The following GAN variants were observed in gnomAD, a reference collection of about 807,000 sequenced individuals.
GAN encodes gigaxonin.
GAN carries 48 observed loss-of-function variants against 71.3 expected under a neutral mutation model. The ratio of observed to expected loss-of-function variants is 0.67; its 90% confidence interval spans 0.53 to 0.86. The LOEUF (loss-of-function observed/expected upper bound fraction) is 0.86, where lower values mean the gene tolerates loss of function less well. GAN is among the 40% of genes least tolerant of loss of function. The probability of loss-of-function intolerance (pLI) is 0.00; values close to 1 mark genes in which losing one functional copy is unlikely to be tolerated. For synonymous variants in GAN, 386 were observed against 276.8 expected (o/e 1.39, Z -3.92); for missense variants, 928 against 770.1 (o/e 1.21, Z -2.43).
chr16:81,377,479 A>T lies in GAN; in HGVS notation c.1677A>T (p.Pro559=). ...CAGGAACCTGGCACCACACTAAACC[A>T]CTCCTTCCATCCGACCTTCGCCGTA... ...RSTGTWHHTK[P]LLPSDLRRTG... The change falls in exon 11 of 11, where the codon CCA becomes CCT. Residue 559 remains proline (P), a synonymous_variant. Coordinates refer to ENST00000648994, the MANE Select transcript of GAN (RefSeq NM_022041.4). 6.2e-7 allele frequency: 1 copy of T among 1,613,700 alleles called. No homozygotes were observed. The highest frequency in any genetic ancestry group is 1.3e-5 in the African/African-American group (1 of 74,896).
rs2290947 is a variant in GAN at position 81,380,405 on chromosome 16, C to G, written c.*2809C>G. On this transcript the variant is annotated 3_prime_UTR_variant, in exon 11 of 11. Transcript: ENST00000648994. ...ATAAGTAAATATTTAAAGAACCTCT[C>G]CTAGGCTGCAGTCTAAAATAGGTAG... 2 of 152,600 alleles carry G rather than the reference C, an allele frequency of 1.3e-5. No individual in the cohort carries two copies. The highest frequency in any genetic ancestry group is 1.9e-4 in the East Asian group (1 of 5,204). 9.5% of individuals were successfully genotyped at this position (152,600 alleles called of 1,614,324 possible). A position where few individuals can be genotyped will look rare whatever the true frequency, so the allele number is the denominator to read the frequency against.
At chr16:81,320,164 A>T (rs1909179204) in intron 1 of GAN, among the ~76,000 whole-genome samples, 1 of 152,180 alleles carries the variant, frequency 6.6e-6, no homozygotes. Context: ...ATAAAGTTTG[A>T]CTCACAGATG....
At chr16:81,348,382 C>G (rs1910190747) in intron 1 of GAN, among the ~76,000 whole-genome samples, 5 of 152,164 alleles carry the variant, frequency 3.3e-5, no homozygotes, top group African/African-American at 9.7e-5. Context: ...TTAGCACAAT[C>G]TTTACTTCCT....
rs149701562 is a variant in GAN at position 81,332,817 on chromosome 16, T to G, written c.167+17537T>G. Among the ~76,000 whole-genome samples, 527 of 152,330 alleles carry G rather than the reference T, an allele frequency of 3.5e-3. 5 individuals carry two copies. The highest frequency in any genetic ancestry group is 0.012 in the African/African-American group (496 of 41,584). ...TTACGATTAGATTGGATGGGAGGGT[T>G]GCATTTTTGGCAAGAACCCCATGGA... On this transcript the variant is annotated intron_variant, in intron 1 of 10. Transcript: ENST00000648994.
intron 9 of GAN, among the ~76,000 whole-genome samples, chr16:81,369,094 A>C (rs1224626392): frequency 1.3e-5 from 2 of 152,146 alleles, no homozygotes; most frequent in Non-Finnish European, 1.5e-5. Flanking sequence ...ATGCCCCTCT[A>C]CTTTAATTTT....
At chr16:81,334,221 G>C (rs1031622033) in intron 1 of GAN, among the ~76,000 whole-genome samples, 2 of 152,166 alleles carry the variant, frequency 1.3e-5, no homozygotes, top group African/African-American at 2.4e-5. Flanking sequence ...GAGGAGAATG[G>C]AAAAGGTTTC....
chr16:81,372,801 T>C (rs928815312), intron 9 of GAN, among the ~76,000 whole-genome samples: 1 of 152,238 alleles, frequency 6.6e-6, no homozygotes, highest in African/African-American at 2.4e-5. Flanking sequence ...AAACCAGTAT[T>C]GTAGTTTGAT....
Position 81,377,292 on chromosome 16 carries a change from G to T in GAN, c.1576G>T (p.Gly526Ter). The change falls in exon 10 of 11, where the codon GGA (glycine) becomes TGA (stop). Residue 526 changes from glycine to a stop codon, truncating the protein, a stop_gained. Transcript: ENST00000648994. LOFTEE classifies it high-confidence loss of function. Reference sequence around the variant, plus strand: ...TTTTGTTTATGGAGCTGTACCTATAGGAGCCAGTATTTATGTTATTGGAGA... The same window carrying T: ...TTTTGTTTATGGAGCTGTACCTATATGAGCCAGTATTTATGTTATTGGAGA... ...SSFVYGAVPIGASIYVIGDLD... is the reference protein window; with the variant it reads ...SSFVYGAVPI 1.2e-6 allele frequency: 2 copies of T among 1,609,648 alleles called. No homozygotes were observed. Among genetic ancestry groups the T allele is most frequent in the Non-Finnish European group, 1.7e-6 (2 of 1,175,920 alleles).
chr16:81,362,651 T>G, intron 6 of GAN, 40 bp downstream of exon 6: 1 of 1,040,516 alleles, frequency 9.6e-7, no homozygotes, highest in Non-Finnish European at 1.5e-6. Context: ...TGTGTTTCTC[T>G]TTCCCCTTAG....
chr16:81,383,528 A>G lies in GAN; in HGVS notation c.*5932A>G, dbSNP rs535476676. ...TCAGCCTCCCAAAGTGCTGGATTAC[A>G]GGTGTGAGCCACCTCGCCTGCCCTC... On this transcript the variant is annotated 3_prime_UTR_variant, in exon 11 of 11. Transcript: ENST00000648994. 1 of 150,810 alleles carries G rather than the reference A, an allele frequency of 6.6e-6. No homozygotes were observed. Among genetic ancestry groups the G allele is most frequent in the Admixed American group, 6.6e-5 (1 of 15,134 alleles). The allele number at this position is 150,810 out of a possible 1,614,324, so 9.3% of individuals were successfully genotyped here. A position where few individuals can be genotyped will look rare whatever the true frequency, so the allele number is the denominator to read the frequency against.
chr16:81,373,470 A>G (rs1597411583), intron 9 of GAN, among the ~76,000 whole-genome samples: 1 of 152,378 alleles, frequency 6.6e-6, no homozygotes, highest in South Asian at 2.1e-4. Context: ...ATAATACTGT[A>G]GACTTGTAGA....
intron 9 of GAN, among the ~76,000 whole-genome samples, chr16:81,366,915 C>T (rs1268539892): frequency 6.6e-6 from 1 of 152,070 alleles, no homozygotes; most frequent in Non-Finnish European, 1.5e-5. Flanking sequence ...CCATCTGCCT[C>T]CCGGGTTCAA....
At position 81,354,895 on chromosome 16, in the gene GAN, A is replaced by G. The variant is rs753705861; in HGVS notation, c.633+140A>G. 79 of 634,842 alleles carry G rather than the reference A, an allele frequency of 1.2e-4. 1 individual carries two copies. In the Middle Eastern group the frequency reaches 2.1e-3, roughly 17 times the overall value. 39.3% of individuals were successfully genotyped at this position (634,842 alleles called of 1,614,324 possible). A position where few individuals can be genotyped will look rare whatever the true frequency, so the allele number is the denominator to read the frequency against. On this transcript the variant is annotated intron_variant, in intron 3 of 10. Transcript: ENST00000648994. ...AGATACCTGTAAAACATGTTCCCCT[A>G]TATCATGAAAGCAGTTGGTTTTTCA...
At chr16:81,341,642 A>G (rs887881402) in intron 1 of GAN, among the ~76,000 whole-genome samples, 1 of 152,214 alleles carries the variant, frequency 6.6e-6, no homozygotes, top group Admixed American at 6.5e-5. Flanking sequence ...AGCACTAAAC[A>G]TGGATAGGAA....
rs1463350720 is a variant in GAN at position 81,386,395 on chromosome 16, T to A, written c.*8799T>A. The A allele has an allele frequency of 6.6e-6, 1 of 152,190 alleles. No individual in the cohort carries two copies. Among genetic ancestry groups the A allele is most frequent in the African/African-American group, 2.4e-5 (1 of 41,456 alleles). The allele number at this position is 152,190 out of a possible 1,614,324, so 9.4% of individuals were successfully genotyped here. Reference sequence around the variant, plus strand: ...TGAAACTTAAAAACAAACAAATATGTGTTACAAGTACTTGTGTGTACGTGC... The same window carrying A: ...TGAAACTTAAAAACAAACAAATATGAGTTACAAGTACTTGTGTGTACGTGC... On this transcript the variant is annotated 3_prime_UTR_variant, in exon 11 of 11. Coordinates refer to ENST00000648994, the MANE Select transcript of GAN (RefSeq NM_022041.4).
At chr16:81,362,888 C>T (rs967546807) in intron 6 of GAN, among the ~76,000 whole-genome samples, 1 of 152,212 alleles carries the variant, frequency 6.6e-6, no homozygotes, top group Non-Finnish European at 1.5e-5. Flanking sequence ...GCCCCCTCCT[C>T]GCAGCACCTT....
At position 81,366,358 on chromosome 16, in the gene GAN, G is replaced by GT. The variant is rs1186779422; in HGVS notation, c.1502+881dup. 3.9e-5 allele frequency among the ~76,000 whole-genome samples: 6 copies of GT among 152,294 alleles called. No homozygotes were observed. In the East Asian group the frequency reaches 1.2e-3, roughly 29 times the overall value. On this transcript the variant is annotated intron_variant, in intron 9 of 10. Transcript: ENST00000648994. ...TCTTAAAACCTCTGACAAGTGCCACGTATGTCTTGTAGGGTAGATAACATC... is the reference window on the plus strand; with the variant it reads ...TCTTAAAACCTCTGACAAGTGCCACGTTATGTCTTGTAGGGTAGATAACATC...
intron 1 of GAN, among the ~76,000 whole-genome samples, chr16:81,348,156 C>T (rs1910182465): frequency 1.3e-5 from 2 of 152,092 alleles, no homozygotes; most frequent in African/African-American, 4.8e-5. Flanking sequence ...ATATTTTCTG[C>T]CTTTGTCTCT....
intron 6 of GAN, 46 bp downstream of exon 6, chr16:81,362,657 C>T: frequency 1.0e-6 from 1 of 990,354 alleles, no homozygotes; most frequent in Non-Finnish European, 1.6e-6. Flanking sequence ...TCTCTTTCCC[C>T]TTAGCGCTTC....
Sources: allele counts gnomAD v4.1 joint callset (sites outside exome capture counted in the v4.1 genomes callset), GRCh38; gene constraint gnomAD v4.1.1; transcripts MANE v1.5; gene names NCBI Gene and HGNC (gene_info 2026-07-23, HGNC 2026-07-21).